The following STAG3 variants were observed in gnomAD, a reference collection of about 807,000 sequenced individuals.
STAG3 encodes the protein STAG3 cohesin complex component, also known as cohesin subunit SA-3.
STAG3 carries 101 observed loss-of-function variants against 160.7 expected under a neutral mutation model. The ratio of observed to expected loss-of-function variants is 0.63; its 90% CI spans 0.54 to 0.74. The LOEUF is 0.74. STAG3 is among the 30% of genes least tolerant of loss of function. The pLI is 0.00. For synonymous variants in STAG3, 519 were observed against 585.0 expected, an observed-to-expected ratio of 0.89 and a Z score of 1.63; for missense variants, 1,188 against 1,517.4, an observed-to-expected ratio of 0.78 and a Z score of 3.61.
chr7:100,180,672 G>T lies in STAG3; in HGVS notation c.116G>T (p.Gly39Val), dbSNP rs758988656. Residue 39 changes from glycine (G) to valine (V), a missense_variant and splice_region_variant, in exon 2 of 34, where the codon GGG becomes GTG. Coordinates refer to ENST00000615138, the MANE Select transcript of STAG3 (RefSeq NM_001282717.2). ...AGGGACTCAAACCATACCTCAGAGG[G>T]GTAAGTAGATGTTGCATTGTGTGGC... ...DDRDSNHTSE[G>V]NGDSLLADED... is the part of the protein sequence containing the mutation. 6.3e-7 allele frequency: 1 copy of T among 1,575,498 alleles called. No homozygotes were observed. Among genetic ancestry groups the T allele is most frequent in the Admixed American group, 1.7e-5 (1 of 59,956 alleles).
In STAG3 at chr7:100,201,786, G is replaced by A. The variant is rs536956712; in HGVS notation, c.2221G>A (p.Val741Ile). 1.4e-5 allele frequency: 22 copies of A among 1,614,024 alleles called. 1 individual carries two copies. The Admixed American group carries it at 3.3e-4, about 24-fold the overall frequency. ...AVDTGEVPHQ[V>I]ILPALTLVYF... The stretch of plus-strand genomic sequence containing the variant: ...TTTTTCAAACCCTTTGTTGTTACAG[G>A]TTATCCTGCCAGCCTTGACTCTTGT... The change falls in exon 22 of 34, where the codon GTT becomes ATT. Residue 741 changes from valine to isoleucine, a missense_variant and splice_region_variant. By Grantham distance (29) the Val-to-Ile change is conservative. Around this residue, in one of 4 missense-constraint regions of STAG3, gnomAD observed 647 missense variants for 717.2 expected, o/e 0.90. Transcript: ENST00000615138.
intron 29 of STAG3, among the ~76,000 whole-genome samples, chr7:100,208,465 A>G (rs1801864488): frequency 6.6e-6 from 1 of 152,250 alleles, no homozygotes; most frequent in Non-Finnish European, 1.5e-5. Flanking sequence ...AATGCTGTAG[A>G]ATTCAGAGAA....
In STAG3 at chr7:100,213,274, A is replaced by G. The variant is rs920539042; in HGVS notation, c.3601-461A>G. 4.0e-6 allele frequency: 4 copies of G among 1,011,322 alleles called. No homozygotes were observed. The African/African-American group carries it at 6.9e-5, about 17-fold the overall frequency. 62.6% of individuals were successfully genotyped at this position (1,011,322 alleles called of 1,614,324 possible). On this transcript the variant is annotated intron_variant, in intron 32 of 33. Coordinates refer to ENST00000615138, the MANE Select transcript of STAG3 (RefSeq NM_001282717.2). Reference sequence around the variant, plus strand: ...GCATCACACTGGGGGAAGGATTTCAATATGTGGGTTTAGGGGGACACAGAT... The same window carrying G: ...GCATCACACTGGGGGAAGGATTTCAGTATGTGGGTTTAGGGGGACACAGAT...
intron 11 of STAG3, 41 bp from the exon 12 acceptor site, chr7:100,198,044 AAT>A (rs1800804047): frequency 6.2e-7 from 1 of 1,600,128 alleles, no homozygotes. Context: ...GAATGTTTGG[AAT>A]GGGTGTAATG....
At chr7:100,195,200 A>G in intron 8 of STAG3, 109 bp from the exon 9 acceptor site, 2 of 936,506 alleles carry the variant, frequency 2.1e-6, no homozygotes, top group Middle Eastern at 2.2e-4. Flanking sequence ...GGTTCACACT[A>G]TCCTATAATA....
At chr7:100,206,163 C>T (rs557383558) in intron 29 of STAG3, among the ~76,000 whole-genome samples, 9 of 151,680 alleles carry the variant, frequency 5.9e-5, no homozygotes, top group Admixed American at 3.3e-4. Flanking sequence ...TACAGGCACC[C>T]GCCACCACGC....
rs1210954072 is a variant in STAG3 at position 100,195,303 on chromosome 7, C to T, written c.868-6C>T. ...AAAGATTAACCCGTTTCTCCCTGTCCTCCAGCTCCAAGAGCATCAAGAGGA... is the reference window on the plus strand; with the variant it reads ...AAAGATTAACCCGTTTCTCCCTGTCTTCCAGCTCCAAGAGCATCAAGAGGA... On this transcript the variant is annotated splice_region_variant and splice_polypyrimidine_tract_variant and intron_variant, in intron 8 of 33. Transcript: ENST00000615138. 1.2e-6 allele frequency: 2 copies of T among 1,613,844 alleles called. No individual in the cohort carries two copies. Among genetic ancestry groups the T allele is most frequent in the Admixed American group, 1.7e-5 (1 of 60,000 alleles).
At position 100,202,048 on chromosome 7, in the gene STAG3, AC is replaced by A. The variant is rs1339617943; in HGVS notation, c.2394+8del. 1 of 1,614,004 alleles carries A rather than the reference AC, an allele frequency of 6.2e-7. No homozygotes were observed. The highest frequency in any genetic ancestry group is 1.3e-5 in the African/African-American group (1 of 74,914). On this transcript the variant is annotated splice_region_variant and intron_variant, in intron 23 of 33. Transcript: ENST00000615138. ...TACTGAGATCCAGGAGCAGGTGAGT[AC>A]TGACTCAAGTGGGAGCAACAAGGCG...
chr7:100,199,728 A>T (rs1800950865), intron 16 of STAG3, 84 bp downstream of exon 16: 1 of 1,083,690 alleles, frequency 9.2e-7, no homozygotes. Context: ...GGCTGGGGTT[A>T]GGGTGCTCCT....
At chr7:100,213,581 G>T (rs1623264) in intron 32 of STAG3, 154 bp from the exon 33 acceptor site, 2 of 985,308 alleles carry the variant, frequency 2.0e-6, no homozygotes, top group Non-Finnish European at 2.4e-6. Context: ...GCCTGATCCT[G>T]GTGCCCACAC....
At chr7:100,182,672 G>C in intron 3 of STAG3, 51 bp from the exon 4 acceptor site, 1 of 1,598,384 alleles carries the variant, frequency 6.3e-7, no homozygotes, top group Non-Finnish European at 8.6e-7. Context: ...TAATGTCACT[G>C]TTACCTTTTT....
intron 4 of STAG3, among the ~76,000 whole-genome samples, chr7:100,184,463 G>GTT (rs1554403741): frequency 7.9e-3 from 779 of 98,480 alleles, no homozygotes; most frequent in Non-Finnish European, 1.0e-2. Flanking sequence ...CAGCGTGTTA[G>GTT]TTTTTTTTTT....
chr7:100,185,944 A>C (rs1342825993), intron 4 of STAG3, among the ~76,000 whole-genome samples: 2 of 152,214 alleles, frequency 1.3e-5, no homozygotes, highest in Non-Finnish European at 2.9e-5. Flanking sequence ...AGCCATCTGG[A>C]TACAAAGTCA....
At chr7:100,199,013 G>C (rs1245710905) in intron 14 of STAG3, 56 bp downstream of exon 14, 33 of 1,528,082 alleles carry the variant, frequency 2.2e-5, no homozygotes, top group Non-Finnish European at 3.0e-5. Flanking sequence ...AAGTGGGCTG[G>C]GGTTGGTGGC....
chr7:100,198,438 C>T (rs1218107490), intron 12 of STAG3, 37 bp from the exon 13 acceptor site: 2 of 1,596,982 alleles, frequency 1.3e-6, no homozygotes, highest in African/African-American at 2.7e-5. Flanking sequence ...AAGACAATGT[C>T]CCTATTCACA....
At chr7:100,211,407 C>A in intron 30 of STAG3, 28 bp from the exon 31 acceptor site, 1 of 1,606,716 alleles carries the variant, frequency 6.2e-7, no homozygotes, top group Non-Finnish European at 8.5e-7. Flanking sequence ...TGATTTTTAT[C>A]CCATCATTGA....
intron 31 of STAG3, 60 bp downstream of exon 31, chr7:100,211,599 T>C: frequency 6.4e-7 from 1 of 1,573,370 alleles, no homozygotes. Context: ...TGTGAGGGGA[T>C]TCCTGTCTCA....
intron 1 of STAG3, 135 bp from the exon 2 acceptor site, chr7:100,180,358 C>G (rs1799561949): frequency 5.8e-6 from 3 of 517,550 alleles, no homozygotes; most frequent in African/African-American, 1.9e-5. Flanking sequence ...CGGTGCCCAG[C>G]CTTTGTCTTA....
intron 14 of STAG3, 56 bp from the exon 15 acceptor site, chr7:100,199,206 T>G: frequency 8.3e-7 from 1 of 1,206,088 alleles, no homozygotes; most frequent in Non-Finnish European, 1.2e-6. Context: ...CAGTAACCAC[T>G]TCGTAGGGTA....
Sources: gnomAD v4.1 joint callset for allele counts (sites outside exome capture counted in the v4.1 genomes callset) on GRCh38, gnomAD v4.1.1 for gene constraint, gnomAD v4.1.1 regional missense constraint, MANE v1.5 for transcripts, NCBI Gene and HGNC (gene_info 2026-07-23, HGNC 2026-07-21) for gene names.